The following GCSAML variants were observed in gnomAD, a reference collection of about 807,000 sequenced individuals.
GCSAML encodes germinal center-associated signaling and motility-like protein.
Under a neutral mutation model 13.0 loss-of-function variants are expected in GCSAML, and 9 were observed. The observed-to-expected ratio is 0.69, with a 90% CI of 0.42 to 1.21. The LOEUF (loss-of-function observed/expected upper bound fraction) is 1.21. Among genes scored for constraint, GCSAML ranks in the 50% most tolerant of loss-of-function variants. GCSAML has a pLI of 0.00. For synonymous variants in GCSAML, 37 were observed against 52.9 expected (o/e 0.70, Z 1.31); for missense variants, 143 against 153.4 (o/e 0.93, Z 0.36).
intron 1 of GCSAML, among the ~76,000 whole-genome samples, chr1:247,523,877 C>T (rs1015496875): frequency 1.3e-5 from 2 of 151,704 alleles, no homozygotes; most frequent in Non-Finnish European, 2.9e-5. Context: ...AATAAATTTG[C>T]ACATATATGA....
In GCSAML at chr1:247,574,488, C is replaced by A; in HGVS notation, c.*106C>A. ...CAGTGCATGAAACATTCCTTTCTGG[C>A]TAAAGTTTAGAAATATTATCTTATT... is the stretch of plus-strand genomic sequence containing the variant. On this transcript the variant is annotated 3_prime_UTR_variant, in exon 5 of 5. Transcript: ENST00000366488. The A allele has an allele frequency of 7.9e-7, 1 of 1,265,022 alleles. No homozygotes were observed. The allele number at this position is 1,265,022 out of a possible 1,614,324, so 78.4% of individuals were successfully genotyped here. A position where few individuals can be genotyped will look rare whatever the true frequency, so the allele number is the denominator to read the frequency against.
At chr1:247,567,746 T>C (rs964928204) in intron 4 of GCSAML, among the ~76,000 whole-genome samples, 4 of 152,190 alleles carry the variant, frequency 2.6e-5, no homozygotes, top group African/African-American at 9.7e-5. Context: ...CCTTGAGGAA[T>C]TGCCACACTG....
At chr1:247,549,321 T>C (rs1667690088) in intron 1 of GCSAML, 101 bp downstream of exon 1, 3 of 1,056,462 alleles carry the variant, frequency 2.8e-6, no homozygotes, top group Non-Finnish European at 4.2e-6. Flanking sequence ...ATTGTGCTTC[T>C]AGAAGGTTAA....
chr1:247,540,802 T>G (rs1322681157), intron 2 of GCSAML, among the ~76,000 whole-genome samples: 5 of 152,224 alleles, frequency 3.3e-5, no homozygotes, highest in Non-Finnish European at 5.9e-5. Flanking sequence ...AGTTTCTCTT[T>G]TCTTTTCAAT....
chr1:247,570,512 C>T (rs1021149030), intron 4 of GCSAML, among the ~76,000 whole-genome samples: 10 of 152,010 alleles, frequency 6.6e-5, no homozygotes, highest in East Asian at 1.9e-4. Context: ...TGTAGTTTTG[C>T]GGTTTTGAGT....
chr1:247,522,234 CTGT>C (rs1315516216), intron 1 of GCSAML, among the ~76,000 whole-genome samples: 43 of 118,802 alleles, frequency 3.6e-4, no homozygotes, highest in South Asian at 7.4e-4. Flanking sequence ...GCCAGCCGCC[CTGT>C]CCGGGAGGGA....
chr1:247,531,523 T>A, intron 2 of GCSAML: 1 of 1,599,718 alleles, frequency 6.3e-7, no homozygotes, highest in South Asian at 1.1e-5. Context: ...AAACTTGATC[T>A]TCCTTCTCAG....
intron 1 of GCSAML, among the ~76,000 whole-genome samples, chr1:247,520,190 C>T (rs919221930): frequency 6.6e-6 from 1 of 152,270 alleles, no homozygotes; most frequent in Non-Finnish European, 1.5e-5. Context: ...TTTGTGTCAA[C>T]GTGACTAGGC....
At chr1:247,515,762 G>A (rs1354300064) in intron 1 of GCSAML, among the ~76,000 whole-genome samples, 1 of 152,168 alleles carries the variant, frequency 6.6e-6, no homozygotes. Context: ...CATGAGAACA[G>A]CAAGGAAGCA....
At chr1:247,559,136 G>A (rs1668043018) in intron 2 of GCSAML, among the ~76,000 whole-genome samples, 1 of 152,060 alleles carries the variant, frequency 6.6e-6, no homozygotes, top group African/African-American at 2.4e-5. Context: ...CATACTAGCT[G>A]GTATCTGTGC....
intron 2 of GCSAML, among the ~76,000 whole-genome samples, chr1:247,559,877 G>T (rs982009713): frequency 6.6e-5 from 10 of 152,118 alleles, no homozygotes; most frequent in African/African-American, 2.4e-4. Context: ...CTGAAATAAG[G>T]CCCAATCTTA....
Position 247,527,065 on chromosome 1 carries a change from C to T in GCSAML, c.-148+11C>T, listed in dbSNP as rs1388896994. ...GGATGCCAATCTGAGGTACAAATCA[C>T]ATTTCAAGTGTATTTCCTTGGGTTC... On this transcript the variant is annotated intron_variant, in intron 2 of 5. Transcript: ENST00000366489. This position sits in a 1 kb window ranked among gnomAD's most constrained non-coding sequence, Gnocchi z 4.6. 1 of 456,676 alleles carries T rather than the reference C, an allele frequency of 2.2e-6. No homozygotes were observed. The highest frequency in any genetic ancestry group is 2.3e-5 in the Admixed American group (1 of 42,572). The allele number at this position is 456,676 out of a possible 1,614,324, so 28.3% of individuals were successfully genotyped here. A position where few individuals can be genotyped will look rare whatever the true frequency, so the allele number is the denominator to read the frequency against.
chr1:247,546,700 A>C (rs1201962932), upstream of GCSAML, among the ~76,000 whole-genome samples: 1 of 151,936 alleles, frequency 6.6e-6, no homozygotes, highest in South Asian at 2.1e-4. Flanking sequence ...GCATGATAAC[A>C]CTTATGTGCA....
At chr1:247,517,297 G>A (rs1230054601) in intron 1 of GCSAML, among the ~76,000 whole-genome samples, 2 of 152,204 alleles carry the variant, frequency 1.3e-5, no homozygotes, top group African/African-American at 4.8e-5. Context: ...GGTATTGTGA[G>A]TAACTTATTA....
intron 2 of GCSAML, chr1:247,531,113 G>C (rs539544027): frequency 1.8e-5 from 3 of 168,738 alleles, no homozygotes; most frequent in African/African-American, 4.8e-5. Flanking sequence ...GCGGAGTCCC[G>C]GGCTCAGCTC....
intron 1 of GCSAML, among the ~76,000 whole-genome samples, chr1:247,512,920 G>C (rs1489688958): frequency 6.6e-6 from 1 of 152,094 alleles, no homozygotes; most frequent in African/African-American, 2.4e-5. Context: ...GATGCAGCTG[G>C]GGCTCTCCTG....
intron 4 of GCSAML, among the ~76,000 whole-genome samples, chr1:247,568,373 A>G (rs973957465): frequency 6.6e-6 from 1 of 152,184 alleles, no homozygotes; most frequent in African/African-American, 2.4e-5. Flanking sequence ...GAAGGGGTCC[A>G]GTTTCAGTTT....
At chr1:247,544,354 T>C (rs1667500020), upstream of GCSAML, among the ~76,000 whole-genome samples, 1 of 152,232 alleles carries the variant, frequency 6.6e-6, no homozygotes. Flanking sequence ...TTGGGTTTTA[T>C]ATCCTTCGAA....
In GCSAML at chr1:247,527,512, T is replaced by C. The variant is rs1051502512; in HGVS notation, c.-148+458T>C. 7.9e-5 allele frequency: 12 copies of C among 152,342 alleles called. No individual in the cohort carries two copies. Among genetic ancestry groups the C allele is most frequent in the African/African-American group, 2.7e-4 (11 of 41,430 alleles). 9.4% of individuals were successfully genotyped at this position (152,342 alleles called of 1,614,324 possible). A position where few individuals can be genotyped will look rare whatever the true frequency, so the allele number is the denominator to read the frequency against. On this transcript the variant is annotated intron_variant, in intron 2 of 5. Coordinates refer to the GCSAML transcript ENST00000366489. The surrounding 1 kb of genome is among the most constrained non-coding windows in gnomAD (Gnocchi z 4.6). Reference sequence around the variant, plus strand: ...TTACAGTGCATCCAAACTCCAGAGATTTTTAATTAGTCTTTTCAAGAGGTT... The same window carrying C: ...TTACAGTGCATCCAAACTCCAGAGACTTTTAATTAGTCTTTTCAAGAGGTT...
Sources: allele counts gnomAD v4.1 joint callset (sites outside exome capture counted in the v4.1 genomes callset), GRCh38; gene constraint gnomAD v4.1.1; non-coding constraint Gnocchi (gnomAD v3.1); transcripts MANE v1.5; gene names NCBI Gene and HGNC (gene_info 2026-07-23, HGNC 2026-07-21).